RARB: variants seen among roughly 807,000 people sequenced by gnomAD.
RARB encodes retinoic acid receptor beta.
A neutral mutation model predicts 51.9 loss-of-function variants in RARB; 17 were observed. That is an observed-to-expected ratio of 0.33 (90% CI 0.22 to 0.49). The LOEUF is 0.49. Ranked by LOEUF, RARB falls within the 20% of genes least tolerant of loss-of-function variation. The pLI, the probability that RARB is intolerant of heterozygous loss-of-function variation, is 0.99. For missense variants in RARB, 369 were observed against 550.8 expected, an observed-to-expected ratio of 0.67 and a Z score of 3.30; for synonymous variants, 215 against 195.4, an observed-to-expected ratio of 1.10 and a Z score of -0.84.
intron 5 of RARB, among the ~76,000 whole-genome samples, chr3:25,356,179 A>G (rs1305767939): frequency 2.0e-5 from 3 of 152,098 alleles, no homozygotes; most frequent in Non-Finnish European, 4.4e-5. Context: ...TGAATTTTTC[A>G]AAGAGAAGTA....
At chr3:25,161,876 G>A in intron 4 of RARB, among the ~76,000 whole-genome samples, 1 of 152,160 alleles carries the variant, frequency 6.6e-6, no homozygotes, top group East Asian at 1.9e-4. Flanking sequence ...CCCTGGCAGA[G>A]CCCCCTGGAT....
intron 5 of RARB, among the ~76,000 whole-genome samples, chr3:25,330,156 T>C (rs1382738828): frequency 4.0e-5 from 6 of 151,648 alleles, no homozygotes; most frequent in African/African-American, 1.5e-4. Context: ...ATTCAGGAAA[T>C]ACAGAGAACT....
At chr3:25,475,032 T>A (rs1014318223) in intron 2 of RARB, among the ~76,000 whole-genome samples, 4 of 152,186 alleles carry the variant, frequency 2.6e-5, no homozygotes, top group Non-Finnish European at 5.9e-5. Context: ...GGTCTTACTG[T>A]CCTCACTGAA....
chr3:25,505,015 G>A (rs1408974796), intron 3 of RARB, among the ~76,000 whole-genome samples: 2 of 152,106 alleles, frequency 1.3e-5, no homozygotes, highest in African/African-American at 2.4e-5. Context: ...CTGACCTCAG[G>A]TGACCCACCC....
At chr3:25,350,324 A>C (rs1490648983) in intron 5 of RARB, among the ~76,000 whole-genome samples, 3 of 152,118 alleles carry the variant, frequency 2.0e-5, no homozygotes, top group African/African-American at 4.8e-5. Context: ...TTTGCATTCC[A>C]TACCACAATC....
intron 5 of RARB, among the ~76,000 whole-genome samples, chr3:25,387,415 G>A (rs192743395): frequency 1.3e-3 from 204 of 152,284 alleles, no homozygotes; most frequent in Non-Finnish European, 1.8e-3. Context: ...AAACACATTG[G>A]CTAGGCTGTA....
chr3:24,859,630 G>C (rs535588532), intron 2 of RARB, among the ~76,000 whole-genome samples: 29 of 152,150 alleles, frequency 1.9e-4, no homozygotes, highest in African/African-American at 6.3e-4. Flanking sequence ...AGTCATTAAG[G>C]TTTTCCAGGG....
chr3:24,875,495 T>G (rs1251314245), intron 2 of RARB, among the ~76,000 whole-genome samples: 3 of 152,162 alleles, frequency 2.0e-5, no homozygotes, highest in Non-Finnish European at 4.4e-5. Flanking sequence ...AGGTTTATTA[T>G]GAGAATTGAA....
At chr3:25,015,346 AT>A (rs1392159036) in intron 2 of RARB, among the ~76,000 whole-genome samples, 1 of 152,192 alleles carries the variant, frequency 6.6e-6, no homozygotes, top group Non-Finnish European at 1.5e-5. Flanking sequence ...TGTTTCTTAG[AT>A]GCGAGGAATA....
At chr3:25,427,253 G>C (rs1269714580), upstream of RARB, among the ~76,000 whole-genome samples, 1 of 152,176 alleles carries the variant, frequency 6.6e-6, no homozygotes, top group Non-Finnish European at 1.5e-5. Context: ...TGTTTCACCA[G>C]TTGAACAGTA....
chr3:25,022,041 C>T (rs1352229349), intron 2 of RARB, among the ~76,000 whole-genome samples: 1 of 152,128 alleles, frequency 6.6e-6, no homozygotes, highest in African/African-American at 2.4e-5. Context: ...GAAGCAATGA[C>T]ACAAGTAGGT....
intron 5 of RARB, among the ~76,000 whole-genome samples, chr3:25,338,073 A>G (rs1006934285): frequency 9.0e-5 from 13 of 143,934 alleles, no homozygotes; most frequent in African/African-American, 2.5e-4. Flanking sequence ...AAGCATGTGT[A>G]TGTCACCCCC....
intron 5 of RARB, among the ~76,000 whole-genome samples, chr3:25,330,254 C>A (rs1235359527): frequency 6.6e-6 from 1 of 152,056 alleles, no homozygotes; most frequent in Non-Finnish European, 1.5e-5. Context: ...GTGTTAAGGG[C>A]AGCCAGAGAG....
rs574710097 is a variant in RARB, at chr3:25,189,920, G to A, written c.178+15345G>A. 1.6e-4 allele frequency among the ~76,000 whole-genome samples: 24 copies of A among 152,050 alleles called. No individual in the cohort carries two copies. The South Asian group carries it at 5.0e-3, about 32-fold the overall frequency. On this transcript the variant is annotated intron_variant, in intron 5 of 11. Coordinates refer to the RARB transcript ENST00000383772. ...AGGAAAGAAAGAAAATCCTTCATTG[G>A]GGCCCAGCTGTGTGATCCCCGGATA...
At chr3:25,063,220 A>T (rs900557010) in intron 3 of RARB, among the ~76,000 whole-genome samples, 4 of 152,054 alleles carry the variant, frequency 2.6e-5, no homozygotes, top group Non-Finnish European at 4.4e-5. Flanking sequence ...CAATGATTAA[A>T]ATCATACAAA....
intron 5 of RARB, among the ~76,000 whole-genome samples, chr3:25,261,837 A>T (rs1279010988): frequency 6.6e-6 from 1 of 152,034 alleles, no homozygotes; most frequent in East Asian, 1.9e-4. Flanking sequence ...TGCTTGTCTT[A>T]TGGGGCACTA....
At chr3:25,476,246 A>G (rs1319478111) in intron 2 of RARB, among the ~76,000 whole-genome samples, 1 of 152,040 alleles carries the variant, frequency 6.6e-6, no homozygotes, top group Non-Finnish European at 1.5e-5. Context: ...GCCAATGTTT[A>G]CTCCTTTCTT....
intron 5 of RARB, among the ~76,000 whole-genome samples, chr3:25,279,081 T>C (rs1703460321): frequency 6.6e-6 from 1 of 152,220 alleles, no homozygotes; most frequent in African/African-American, 2.4e-5. Context: ...TTATGATTTT[T>C]ATAACCCATC....
chr3:25,084,009 C>T (rs933898548), intron 3 of RARB, among the ~76,000 whole-genome samples: 1 of 152,150 alleles, frequency 6.6e-6, no homozygotes, highest in Non-Finnish European at 1.5e-5. Context: ...CTTCCAGCCC[C>T]TCAGTAGCTT....
Sources: allele counts gnomAD v4.1 joint callset (sites outside exome capture counted in the v4.1 genomes callset), GRCh38; gene constraint gnomAD v4.1.1; transcripts MANE v1.5; gene names NCBI Gene and HGNC (gene_info 2026-07-23, HGNC 2026-07-21).